The following GNA14 variants were observed in gnomAD, a reference collection of about 807,000 sequenced individuals.
GNA14 encodes the protein G protein subunit alpha 14.
A neutral mutation model predicts 42.0 loss-of-function variants in GNA14; 50 were observed. That is an observed-to-expected ratio of 1.19 (90% CI 0.95 to 1.51). The LOEUF is 1.51. Among genes scored for constraint, GNA14 ranks in the 40% most tolerant of loss-of-function variants. The pLI is 0.00. For synonymous variants in GNA14, 173 were observed against 163.1 expected, an observed-to-expected ratio of 1.06 and a Z score of -0.46; for missense variants, 473 against 446.2, an observed-to-expected ratio of 1.06 and a Z score of -0.54.
At chr9:77,591,512 T>A (rs985540430) in intron 1 of GNA14, among the ~76,000 whole-genome samples, 7 of 152,184 alleles carry the variant, frequency 4.6e-5, no homozygotes, top group Non-Finnish European at 8.8e-5. Flanking sequence ...AGCTGTATGA[T>A]CCTAGGGGAC....
intron 1 of GNA14, among the ~76,000 whole-genome samples, chr9:77,636,292 A>T (rs1341940882): frequency 6.6e-6 from 1 of 152,230 alleles, no homozygotes; most frequent in Non-Finnish European, 1.5e-5. Flanking sequence ...ACTGATCATC[A>T]ATACAGAAGA....
At chr9:77,458,645 C>T (rs957144649) in intron 2 of GNA14, among the ~76,000 whole-genome samples, 71 of 152,290 alleles carry the variant, frequency 4.7e-4, no homozygotes, top group African/African-American at 1.5e-3. Flanking sequence ...ACTGAAGTCT[C>T]TTCTCAATTT....
At chr9:77,478,015 C>A (rs1184174243) in intron 2 of GNA14, among the ~76,000 whole-genome samples, 1 of 143,460 alleles carries the variant, frequency 7.0e-6, no homozygotes, top group Non-Finnish European at 1.5e-5. Context: ...GAATGAGAGA[C>A]CTTTTTAAAG....
intron 1 of GNA14, among the ~76,000 whole-genome samples, chr9:77,641,742 C>T (rs552200009): frequency 4.6e-5 from 7 of 152,252 alleles, no homozygotes; most frequent in South Asian, 4.2e-4. Context: ...CCACTAAGGA[C>T]GTTATTGGGT....
intron 2 of GNA14, among the ~76,000 whole-genome samples, chr9:77,485,732 T>G (rs1362833407): frequency 6.6e-6 from 1 of 152,164 alleles, no homozygotes; most frequent in Non-Finnish European, 1.5e-5. Context: ...TCCTTGTACA[T>G]CTCCATCAGA....
chr9:77,564,468 GAGCTCACTTTTTAAA>G (rs1293801952), intron 1 of GNA14, among the ~76,000 whole-genome samples: 1 of 152,028 alleles, frequency 6.6e-6, no homozygotes, highest in Non-Finnish European at 1.5e-5. Flanking sequence ...TAGACCTAAT[GAGCTCACTTTTTAAA>G]AGCATTTATT....
At chr9:77,514,273 A>G (rs1224166927) in intron 2 of GNA14, among the ~76,000 whole-genome samples, 1 of 152,140 alleles carries the variant, frequency 6.6e-6, no homozygotes, top group Non-Finnish European at 1.5e-5. Flanking sequence ...GCAAAATTCT[A>G]TCCCATGGGA....
At chr9:77,600,764 CAA>C (rs1218893959) in intron 1 of GNA14, among the ~76,000 whole-genome samples, 1 of 151,920 alleles carries the variant, frequency 6.6e-6, no homozygotes, top group Non-Finnish European at 1.5e-5. Flanking sequence ...CTAAAAAAAA[CAA>C]AAATTAGCAG....
At chr9:77,603,956 C>CAAAAAAAAAAAAAAAAAAAAAA (rs67044542) in intron 1 of GNA14, among the ~76,000 whole-genome samples, 15 of 81,604 alleles carry the variant, frequency 1.8e-4, no homozygotes, top group Admixed American at 3.7e-4. Context: ...AAAAAAAAAA[C>CAAAAAAAAAAAAAAAAAAAAAA]AAAAAAAAAA....
chr9:77,492,980 GACAGAGCA>G (rs1836803174), intron 2 of GNA14, among the ~76,000 whole-genome samples: 1 of 127,216 alleles, frequency 7.9e-6, no homozygotes, highest in African/African-American at 3.1e-5. Flanking sequence ...CAGCCTGGGT[GACAGAGCA>G]AGACTCCGTC....
intron 2 of GNA14, among the ~76,000 whole-genome samples, chr9:77,436,636 T>G (rs1044235804): frequency 6.6e-6 from 1 of 152,170 alleles, no homozygotes; most frequent in Non-Finnish European, 1.5e-5. Context: ...GCCACGCTCT[T>G]GCTTTCCCAA....
At chr9:77,535,237 G>T (rs983210691) in intron 1 of GNA14, among the ~76,000 whole-genome samples, 10 of 152,156 alleles carry the variant, frequency 6.6e-5, no homozygotes, top group African/African-American at 2.4e-4. Flanking sequence ...CCTGGGGCTT[G>T]TTTAAAATAC....
In GNA14 at chr9:77,512,075, G is replaced by GC. The variant is rs746288539; in HGVS notation, c.309+16993dup. On this transcript the variant is annotated intron_variant, in intron 2 of 6. Transcript: ENST00000341700. ...TGACAGAGCCCCCACTGCCTGCTTGGCCCCCACTGTCCCCCACTGTCCCCC... is the reference window on the plus strand; with the variant it reads ...TGACAGAGCCCCCACTGCCTGCTTGGCCCCCCACTGTCCCCCACTGTCCCCC... Among the ~76,000 whole-genome samples the GC allele has an allele frequency of 1.3e-4, 20 of 151,848 alleles. No homozygotes were observed. The East Asian group carries it at 3.7e-3, about 28-fold the overall frequency.
chr9:77,641,948 G>T (rs182234659), intron 1 of GNA14, among the ~76,000 whole-genome samples: 10 of 152,276 alleles, frequency 6.6e-5, no homozygotes, highest in Non-Finnish European at 1.2e-4. Context: ...AGGGAAAAGG[G>T]CATACCTATG....
intron 3 of GNA14, 189 bp from the exon 4 acceptor site, chr9:77,431,638 A>G (rs2131689632): frequency 1.9e-6 from 1 of 518,434 alleles, no homozygotes; most frequent in Non-Finnish European, 3.4e-6. Context: ...TGAAGACAAT[A>G]TGGGTCAGAA....
chr9:77,498,474 G>C (rs1488501296), intron 2 of GNA14, among the ~76,000 whole-genome samples: 3 of 151,740 alleles, frequency 2.0e-5, no homozygotes, highest in Non-Finnish European at 4.4e-5. Flanking sequence ...GCTTTGAATA[G>C]GGCCAAGCCC....
chr9:77,618,609 TATATATATATA>T lies in GNA14; in HGVS notation c.124+29050_124+29060del, dbSNP rs1350310986. 2.1e-3 allele frequency among the ~76,000 whole-genome samples: 31 copies of T among 14,654 alleles called. 1 individual carries two copies. The highest frequency in any genetic ancestry group is 6.6e-3 in the African/African-American group (27 of 4,082). 9.6% of individuals were successfully genotyped at this position (14,654 alleles called of 152,430 possible). A position where few individuals can be genotyped will look rare whatever the true frequency, so the allele number is the denominator to read the frequency against. On this transcript the variant is annotated intron_variant, in intron 1 of 6. Transcript: ENST00000341700. ...ATATATATATATATATATATATATA[TATATATATATA>T]TTTTTTTTTTTTTTTTTTTTTTTTT...
At chr9:77,614,601 C>T (rs1273976783) in intron 1 of GNA14, among the ~76,000 whole-genome samples, 1 of 152,142 alleles carries the variant, frequency 6.6e-6, no homozygotes, top group Non-Finnish European at 1.5e-5. Flanking sequence ...TCAAAATATT[C>T]TCTTTATCCC....
intron 2 of GNA14, among the ~76,000 whole-genome samples, chr9:77,514,199 A>C (rs1230523889): frequency 1.3e-5 from 2 of 152,186 alleles, no homozygotes; most frequent in Admixed American, 1.3e-4. Flanking sequence ...TTGGAAAAAG[A>C]CAAACATGGC....
Sources: gnomAD v4.1 joint callset for allele counts (sites outside exome capture counted in the v4.1 genomes callset) on GRCh38, gnomAD v4.1.1 for gene constraint, MANE v1.5 for transcripts, NCBI Gene and HGNC (gene_info 2026-07-23, HGNC 2026-07-21) for gene names.